The following DOCK1 variants were observed in gnomAD, a reference collection of about 807,000 sequenced individuals.
DOCK1 encodes dedicator of cytokinesis protein 1.
In DOCK1, 138 loss-of-function variants were observed where a neutral mutation model predicts 262.7. The observed-to-expected ratio is 0.53, with a 90% CI of 0.46 to 0.61. The LOEUF is 0.61. Among genes scored for constraint, DOCK1 ranks in the 20% least tolerant of loss-of-function variants. The pLI is 0.00. For missense variants in DOCK1, 1,908 were observed against 2,370.7 expected (o/e 0.80, Z 4.05); for synonymous variants, 866 against 867.4 (o/e 1.00, Z 0.03).
intron 27 of DOCK1, among the ~76,000 whole-genome samples, chr10:127,231,251 T>TC (rs1452962145): frequency 6.6e-6 from 1 of 151,894 alleles, no homozygotes; most frequent in African/African-American, 2.4e-5. Context: ...CTTTTTTTTT[T>TC]TTTTAACATT....
chr10:127,392,447 T>C (rs1397037893), intron 38 of DOCK1, among the ~76,000 whole-genome samples: 1 of 152,040 alleles, frequency 6.6e-6, no homozygotes, highest in Non-Finnish European at 1.5e-5. Flanking sequence ...TTTTTTTAAA[T>C]AGCTTTTTAA....
At chr10:127,387,848 AAAAC>A (rs2066219644) in intron 38 of DOCK1, among the ~76,000 whole-genome samples, 1 of 121,092 alleles carries the variant, frequency 8.3e-6, no homozygotes, top group South Asian at 3.0e-4. Context: ...GATAAATCAA[AAAAC>A]AGAGTCTTTT....
At position 127,012,965 on chromosome 10, in the gene DOCK1, T is replaced by C. The variant is rs1337094566; in HGVS notation, c.1201+591T>C. On this transcript the variant is annotated intron_variant, in intron 12 of 51. Coordinates refer to ENST00000623213, the MANE Select transcript of DOCK1 (RefSeq NM_001290223.2). The surrounding 1 kb of genome is among the most constrained non-coding windows in gnomAD (Gnocchi z 4.0). ...GCCCCGCCTCCAGCCCAAGGGGAAG[T>C]CACCTTCAGAACTTGACCGTCTCAC... Among the ~76,000 whole-genome samples, 1 of 152,196 alleles carries C rather than the reference T, an allele frequency of 6.6e-6. No individual in the cohort carries two copies. Among genetic ancestry groups the C allele is most frequent in the Admixed American group, 6.5e-5 (1 of 15,288 alleles).
At chr10:127,044,198 C>G (rs966496666) in intron 21 of DOCK1, among the ~76,000 whole-genome samples, 4 of 152,048 alleles carry the variant, frequency 2.6e-5, no homozygotes, top group African/African-American at 9.7e-5. Flanking sequence ...TGCAAAATAC[C>G]TGTTTTTCCT....
intron 27 of DOCK1, chr10:127,154,047 A>G (rs2052777654): frequency 1.4e-6 from 1 of 692,612 alleles, no homozygotes; most frequent in Non-Finnish European, 2.6e-6. Context: ...AAATTGATTA[A>G]TGCATGCTTC....
chr10:127,202,870 TG>T (rs371732922), intron 27 of DOCK1, among the ~76,000 whole-genome samples: 70 of 152,322 alleles, frequency 4.6e-4, no homozygotes, highest in African/African-American at 1.4e-3. Flanking sequence ...CAGTTCTGTC[TG>T]ATGCAACCAG....
intron 26 of DOCK1, among the ~76,000 whole-genome samples, chr10:127,125,921 T>A (rs941660864): frequency 6.6e-6 from 1 of 152,126 alleles, no homozygotes; most frequent in Non-Finnish European, 1.5e-5. Flanking sequence ...ATCTGCATTC[T>A]TTCTTCTTAT....
chr10:127,269,523 G>A (rs2060487050), intron 29 of DOCK1, among the ~76,000 whole-genome samples: 2 of 152,180 alleles, frequency 1.3e-5, no homozygotes, highest in Non-Finnish European at 2.9e-5. Context: ...CATTTTGCTT[G>A]CTGTTTTCCT....
At chr10:127,438,039 C>T (rs187698708) in intron 48 of DOCK1, among the ~76,000 whole-genome samples, 7 of 152,214 alleles carry the variant, frequency 4.6e-5, no homozygotes, top group African/African-American at 1.4e-4. Context: ...GCACTGCCTT[C>T]CACGTGAGTT....
At chr10:126,908,436 A>G (rs75524933) in intron 1 of DOCK1, among the ~76,000 whole-genome samples, 1,715 of 152,314 alleles carry the variant, frequency 0.011, 7 homozygotes, top group Non-Finnish European at 0.019. Context: ...CACTCTGGCC[A>G]CTTGGCCCAT....
intron 23 of DOCK1, among the ~76,000 whole-genome samples, chr10:127,091,906 G>C (rs2047555965): frequency 6.6e-6 from 1 of 152,164 alleles, no homozygotes. Context: ...TCCTCTGGGA[G>C]AAAGCATGAC....
At chr10:126,948,923 G>C (rs1350686718) in intron 1 of DOCK1, among the ~76,000 whole-genome samples, 1 of 152,118 alleles carries the variant, frequency 6.6e-6, no homozygotes, top group East Asian at 1.9e-4. Context: ...GTCTGGAGCT[G>C]GTTGTATGCC....
intron 48 of DOCK1, 130 bp from the exon 49 acceptor site, chr10:127,438,897 C>T: frequency 1.1e-6 from 1 of 902,806 alleles, no homozygotes; most frequent in Non-Finnish European, 1.7e-6. Flanking sequence ...TCTGAAGTCA[C>T]CCTTGGCCTC....
intron 12 of DOCK1, among the ~76,000 whole-genome samples, chr10:127,015,444 C>G (rs908889770): frequency 3.3e-5 from 5 of 152,184 alleles, no homozygotes; most frequent in Non-Finnish European, 7.4e-5. Context: ...TCTGAGGTCT[C>G]TGTCCCCTTG....
At chr10:127,438,976 G>T (rs185477667) in intron 48 of DOCK1, 51 bp from the exon 49 acceptor site, 2 of 1,487,406 alleles carry the variant, frequency 1.3e-6, no homozygotes, top group Non-Finnish European at 9.0e-7. Context: ...CGTGTCTGTG[G>T]GCTGGAAAGC....
intron 38 of DOCK1, among the ~76,000 whole-genome samples, chr10:127,393,465 G>A (rs1282326746): frequency 2.5e-4 from 38 of 152,140 alleles, no homozygotes; most frequent in Non-Finnish European, 1.5e-5. Context: ...GGAAATAGGG[G>A]CTTCCAGAAT....
At chr10:127,316,986 C>T (rs563042455) in intron 29 of DOCK1, among the ~76,000 whole-genome samples, 4 of 152,144 alleles carry the variant, frequency 2.6e-5, no homozygotes, top group Non-Finnish European at 5.9e-5. Flanking sequence ...TCCACTGTGC[C>T]GTCACTGGCT....
chr10:127,418,697 C>T (rs1046516138), intron 45 of DOCK1, among the ~76,000 whole-genome samples, 156 bp downstream of exon 45: 1 of 152,208 alleles, frequency 6.6e-6, no homozygotes, highest in African/African-American at 2.4e-5. Context: ...CAGTGGCGGC[C>T]CCTGAAGCCT....
intron 27 of DOCK1, among the ~76,000 whole-genome samples, chr10:127,189,097 C>A (rs1277844922): frequency 6.6e-6 from 1 of 152,158 alleles, no homozygotes; most frequent in East Asian, 1.9e-4. Flanking sequence ...ATGTGTTGTG[C>A]ATGTGGATGA....
Sources: allele counts gnomAD v4.1 joint callset (sites outside exome capture counted in the v4.1 genomes callset), GRCh38; gene constraint gnomAD v4.1.1; non-coding constraint Gnocchi (gnomAD v3.1); transcripts MANE v1.5; gene names NCBI Gene and HGNC (gene_info 2026-07-23, HGNC 2026-07-21).